SPATA16: variants seen among roughly 807,000 people sequenced by gnomAD.
The protein encoded by SPATA16 is spermatogenesis associated 16.
SPATA16 carries 36 observed loss-of-function variants against 63.3 expected under a neutral mutation model. The observed-to-expected ratio is 0.57, with a 90% CI of 0.44 to 0.75. SPATA16 has a LOEUF of 0.75. Ranked by LOEUF, SPATA16 falls within the 30% of genes least tolerant of loss-of-function variation. The pLI is 0.00. For missense variants in SPATA16, 646 were observed against 679.3 expected, an observed-to-expected ratio of 0.95 and a Z score of 0.54; for synonymous variants, 203 against 216.7, an observed-to-expected ratio of 0.94 and a Z score of 0.56.
At position 173,117,114 on chromosome 3, in the gene SPATA16, C is replaced by G. The variant is rs569200180; in HGVS notation, c.612+6G>C. 1.2e-6 allele frequency: 2 copies of G among 1,613,588 alleles called. No individual in the cohort carries two copies. Among genetic ancestry groups the G allele is most frequent in the Non-Finnish European group, 1.7e-6 (2 of 1,179,688 alleles). ...TCACCAATCTATATTTTCTTTAATC[C>G]CATACCTCAAGTGCTGTTCTGAACT... On this transcript the variant is annotated splice_donor_region_variant and intron_variant, in intron 2 of 10. Transcript: ENST00000351008.
chr3:173,067,613 GA>G (rs1017112839), intron 2 of SPATA16, among the ~76,000 whole-genome samples: 1 of 151,844 alleles, frequency 6.6e-6, no homozygotes, highest in Non-Finnish European at 1.5e-5. Flanking sequence ...GGAAAAAAAA[GA>G]AAAAAAGAAA....
Position 173,121,178 on chromosome 3 carries a change from G to A in SPATA16, c.-18-3429C>T, listed in dbSNP as rs28637148. On this transcript the variant is annotated intron_variant, in intron 1 of 10. Transcript: ENST00000351008. ...TATTTTTCAGTGCTGGTTGAAAATCGGATGACTTTATTTCAGCTGTACAGC... is the reference window on the plus strand; with the variant it reads ...TATTTTTCAGTGCTGGTTGAAAATCAGATGACTTTATTTCAGCTGTACAGC... Among the ~76,000 whole-genome samples, 699 of 150,462 alleles carry A rather than the reference G, an allele frequency of 4.6e-3. 4 individuals are homozygous for A. Among genetic ancestry groups the A allele is most frequent in the East Asian group, 0.013 (68 of 5,150 alleles).
chr3:172,938,542 C>T (rs1389764696), intron 6 of SPATA16, among the ~76,000 whole-genome samples: 1 of 152,210 alleles, frequency 6.6e-6, no homozygotes, highest in Non-Finnish European at 1.5e-5. Context: ...CTAACAAGTT[C>T]TATTTACCCC....
chr3:173,027,212 G>T (rs1735472183), intron 3 of SPATA16, among the ~76,000 whole-genome samples: 1 of 151,616 alleles, frequency 6.6e-6, no homozygotes. Context: ...AATTCTTATT[G>T]TTCATTGCTA....
In SPATA16 at chr3:172,925,285, T is replaced by G. The variant is rs1485263824; in HGVS notation, c.1228+61A>C. On this transcript the variant is annotated intron_variant, in intron 7 of 10. Coordinates refer to ENST00000351008, the MANE Select transcript of SPATA16 (RefSeq NM_031955.6). ...AGTTAATTTTAACTCAAACATTTTT[T>G]GGGGCCCAAAACTCATCACAGGCTA... 6.3e-6 allele frequency: 10 copies of G among 1,591,760 alleles called. No homozygotes were observed. The South Asian group carries it at 7.8e-5, about 12-fold the overall frequency.
At chr3:172,979,343 A>G (rs944491732) in intron 4 of SPATA16, among the ~76,000 whole-genome samples, 4 of 152,246 alleles carry the variant, frequency 2.6e-5, no homozygotes, top group African/African-American at 7.2e-5. Flanking sequence ...ACAACATAAC[A>G]TGCACTAATA....
chr3:172,924,772 G>A (rs1447598758), intron 7 of SPATA16, among the ~76,000 whole-genome samples: 2 of 152,168 alleles, frequency 1.3e-5, no homozygotes, highest in Admixed American at 1.3e-4. Context: ...TTAATTATGT[G>A]GTTAGAGCTG....
In SPATA16 at chr3:173,117,756, G is replaced by A. The variant is rs200270757; in HGVS notation, c.-18-7C>T. 3.1e-6 allele frequency: 5 copies of A among 1,613,898 alleles called. No homozygotes were observed. Among genetic ancestry groups the A allele is most frequent in the East Asian group, 4.5e-5 (2 of 44,868 alleles). On this transcript the variant is annotated splice_polypyrimidine_tract_variant and splice_region_variant and intron_variant, in intron 1 of 10. Coordinates refer to ENST00000351008, the MANE Select transcript of SPATA16 (RefSeq NM_031955.6). ...TCGATCCTGCCCAAAACTCCTGCAGGGGGGAGAAAAAGGAAAGTAATTAAG... is the reference window on the plus strand; with the variant it reads ...TCGATCCTGCCCAAAACTCCTGCAGAGGGGAGAAAAAGGAAAGTAATTAAG...
intron 10 of SPATA16, among the ~76,000 whole-genome samples, chr3:172,891,349 G>A (rs564972872): frequency 3.0e-4 from 46 of 152,270 alleles, no homozygotes; most frequent in African/African-American, 1.0e-3. Flanking sequence ...TAATGGGGTT[G>A]CATTTTATTT....
At chr3:172,961,617 A>G (rs1420918326) in intron 5 of SPATA16, among the ~76,000 whole-genome samples, 2 of 151,520 alleles carry the variant, frequency 1.3e-5, no homozygotes, top group Non-Finnish European at 1.5e-5. Context: ...CTGGTCTTGA[A>G]CTCCTGACCT....
chr3:172,980,209 A>G (rs1427982946), intron 4 of SPATA16, among the ~76,000 whole-genome samples: 2 of 152,222 alleles, frequency 1.3e-5, no homozygotes, highest in African/African-American at 4.8e-5. Flanking sequence ...TGAATTTATA[A>G]AAGGCAAGAT....
intron 2 of SPATA16, among the ~76,000 whole-genome samples, chr3:173,059,045 T>G (rs779587736): frequency 2.6e-5 from 4 of 152,068 alleles, no homozygotes; most frequent in Non-Finnish European, 5.9e-5. Context: ...AAATTTGTCC[T>G]TACAGTAGAG....
chr3:173,004,161 G>A (rs982099659), intron 4 of SPATA16, among the ~76,000 whole-genome samples: 1 of 152,136 alleles, frequency 6.6e-6, no homozygotes, highest in African/African-American at 2.4e-5. Context: ...ATGAACTGAA[G>A]CCAGTATTTT....
intron 10 of SPATA16, among the ~76,000 whole-genome samples, chr3:172,895,527 G>T (rs148032068): frequency 6.6e-6 from 1 of 151,960 alleles, no homozygotes; most frequent in African/African-American, 2.4e-5. Context: ...GTAGAGACAG[G>T]GTTTCACCAT....
intron 10 of SPATA16, among the ~76,000 whole-genome samples, chr3:172,910,476 G>A (rs984182819): frequency 1.3e-5 from 2 of 151,994 alleles, no homozygotes; most frequent in East Asian, 3.9e-4. Flanking sequence ...ACTTAACTCA[G>A]TCAAGTTGAC....
intron 4 of SPATA16, among the ~76,000 whole-genome samples, chr3:172,984,232 C>T (rs1734389192): frequency 6.6e-6 from 1 of 152,174 alleles, no homozygotes; most frequent in Admixed American, 6.5e-5. Context: ...AGGATATCTT[C>T]ATCATCTCTG....
rs535874807 is a variant in SPATA16, at chr3:172,987,439, A to G, written c.849-10387T>C. On this transcript the variant is annotated intron_variant, in intron 4 of 10. Coordinates refer to ENST00000351008, the MANE Select transcript of SPATA16 (RefSeq NM_031955.6). ...CCCGGGTCACTCTCCCATGATGGAC[A>G]GTCAAGCATCAGTTCTTGGAACATT... Among the ~76,000 whole-genome samples, 6 of 152,332 alleles carry G rather than the reference A, an allele frequency of 3.9e-5. No homozygotes were observed. In the South Asian group the frequency reaches 6.2e-4, roughly 16 times the overall value.
chr3:173,089,830 A>G lies in SPATA16; in HGVS notation c.612+27290T>C, dbSNP rs151100644. Among the ~76,000 whole-genome samples the G allele has an allele frequency of 1.9e-4, 29 of 152,302 alleles. 1 individual carries two copies. The East Asian group carries it at 5.6e-3, about 29-fold the overall frequency. On this transcript the variant is annotated intron_variant, in intron 2 of 10. Transcript: ENST00000351008. ...GCACTACTCCTCCAGGACTCAGCACATGGGCCCTTACTGGAAGACAGGGCC... is the reference window on the plus strand; with the variant it reads ...GCACTACTCCTCCAGGACTCAGCACGTGGGCCCTTACTGGAAGACAGGGCC...
At chr3:173,010,435 C>CGT (rs66547523) in intron 4 of SPATA16, among the ~76,000 whole-genome samples, 14,580 of 141,274 alleles carry the variant, frequency 0.1, 736 homozygotes, top group African/African-American at 0.14. Context: ...CACGTTGTGG[C>CGT]GTGTGTGTGT....
Sources: gnomAD v4.1 joint callset for allele counts (sites outside exome capture counted in the v4.1 genomes callset) on GRCh38, gnomAD v4.1.1 for gene constraint, MANE v1.5 for transcripts, NCBI Gene and HGNC (gene_info 2026-07-23, HGNC 2026-07-21) for gene names.